GPC1: variants seen among roughly 807,000 people sequenced by gnomAD.
GPC1 encodes glypican 1.
Under a neutral mutation model 51.5 loss-of-function variants are expected in GPC1, and 26 were observed. That is an observed-to-expected ratio of 0.50 (90% CI 0.37 to 0.70). GPC1 has a LOEUF of 0.70. Among genes scored for constraint, GPC1 ranks in the 30% least tolerant of loss-of-function variants. The pLI is 0.00. For synonymous variants in GPC1, 380 were observed against 348.3 expected (o/e 1.09, Z -1.01); for missense variants, 775 against 800.5 (o/e 0.97, Z 0.38).
At chr2:240,437,222 G>A (rs1418717960) in intron 1 of GPC1, among the ~76,000 whole-genome samples, 14 of 152,144 alleles carry the variant, frequency 9.2e-5, no homozygotes, top group Non-Finnish European at 5.9e-5. Flanking sequence ...GTGCATCTGG[G>A]TGAGGGGGGT....
At chr2:240,450,927 G>A (rs185405884) in intron 1 of GPC1, 1 of 403,936 alleles carries the variant, frequency 2.5e-6, no homozygotes, top group East Asian at 7.3e-5. Flanking sequence ...GGCTTCCTGA[G>A]GGAGGTGAGG....
intron 1 of GPC1, among the ~76,000 whole-genome samples, chr2:240,438,764 C>T (rs2074000001): frequency 6.6e-6 from 1 of 152,194 alleles, no homozygotes; most frequent in African/African-American, 2.4e-5. Context: ...TATTGGGCTC[C>T]CTTTTGAGAC....
Position 240,467,223 on chromosome 2 carries a change from G to A in GPC1, c.*933G>A, listed in dbSNP as rs1233312061. The A allele has an allele frequency of 1.3e-5, 2 of 152,358 alleles. No individual in the cohort carries two copies. The highest frequency in any genetic ancestry group is 2.9e-5 in the Non-Finnish European group (2 of 68,128). 9.4% of individuals were successfully genotyped at this position (152,358 alleles called of 1,614,324 possible). ...ACGGTGACACAGGTCAGGGCTCAGA[G>A]TGACCCTCAGCTGTCACCTGCTCAC... is the stretch of plus-strand genomic sequence containing the variant. On this transcript the variant is annotated 3_prime_UTR_variant, in exon 9 of 9. Coordinates refer to ENST00000264039, the MANE Select transcript of GPC1 (RefSeq NM_002081.3).
intron 1 of GPC1, chr2:240,458,136 G>A (rs543213408): frequency 6.8e-5 from 31 of 455,440 alleles, no homozygotes; most frequent in Non-Finnish European, 1.3e-4. Context: ...CGGTTTTCTG[G>A]TTAATAAAAT....
chr2:240,443,825 C>T (rs981274242), intron 1 of GPC1, among the ~76,000 whole-genome samples: 5 of 152,300 alleles, frequency 3.3e-5, no homozygotes, highest in Non-Finnish European at 7.4e-5. Flanking sequence ...GGCTGTCTAC[C>T]GGGTGGGCTG....
chr2:240,465,049 GC>G (rs1298416570), intron 6 of GPC1, 27 bp from the exon 7 acceptor site: 5 of 1,586,702 alleles, frequency 3.2e-6, no homozygotes, highest in Non-Finnish European at 4.3e-6. Flanking sequence ...GGCCCTGGCA[GC>G]CCAGTGGCCT....
At chr2:240,443,362 G>A (rs1305383986) in intron 1 of GPC1, among the ~76,000 whole-genome samples, 1 of 152,256 alleles carries the variant, frequency 6.6e-6, no homozygotes, top group Non-Finnish European at 1.5e-5. Flanking sequence ...AGATGAGGGA[G>A]GCCTGGGGGC....
chr2:240,451,528 C>A, intron 1 of GPC1: 3 of 297,964 alleles, frequency 1.0e-5, no homozygotes, highest in South Asian at 8.1e-5. Context: ...GTGCCCTCTT[C>A]AGCTCCACCA....
Position 240,435,783 on chromosome 2 carries a change from G to A in GPC1, c.-136G>A. On this transcript the variant is annotated 5_prime_UTR_variant, in exon 1 of 9. Coordinates refer to ENST00000264039, the MANE Select transcript of GPC1 (RefSeq NM_002081.3). ...GGCTTTTGTTGTCTCCGCCTCCTCG[G>A]CCGCCGCCGCCTCTGGACCGCGAGC... 1 of 494,930 alleles carries A rather than the reference G, an allele frequency of 2.0e-6. No individual in the cohort carries two copies. The highest frequency in any genetic ancestry group is 4.5e-5 in the East Asian group (1 of 22,270). 30.7% of individuals were successfully genotyped at this position (494,930 alleles called of 1,614,324 possible). A position where few individuals can be genotyped will look rare whatever the true frequency, so the allele number is the denominator to read the frequency against.
intron 3 of GPC1, 144 bp from the exon 4 acceptor site, chr2:240,463,203 C>T: frequency 1.5e-6 from 1 of 653,142 alleles, no homozygotes; most frequent in Non-Finnish European, 2.6e-6. Flanking sequence ...GCGAGTCAGG[C>T]AGCGACCACC....
chr2:240,446,302 C>T (rs1277325176), intron 1 of GPC1, among the ~76,000 whole-genome samples: 4 of 152,256 alleles, frequency 2.6e-5, no homozygotes, highest in Non-Finnish European at 2.9e-5. Context: ...TTGGAGGCTC[C>T]GTGAGCTCCT....
Position 240,466,220 on chromosome 2 carries a change from A to G in GPC1, c.1607A>G (p.Gln536Arg), listed in dbSNP as rs376967801. 1 of 1,612,814 alleles carries G rather than the reference A, an allele frequency of 6.2e-7. No homozygotes were observed. Among genetic ancestry groups the G allele is most frequent in the Middle Eastern group, 1.7e-4 (1 of 6,060 alleles). The change falls in exon 9 of 9, where the codon CAG becomes CGG. Residue 536 changes from glutamine to arginine, a missense_variant. Physicochemically the swap from Gln to Arg is conservative, Grantham distance 43. Transcript: ENST00000264039. ...GQKTSAASCP[Q>R]PPTFLLPLLL... ...AAGACCTCGGCTGCCAGCTGCCCCC[A>G]GCCCCCGACCTTCCTCCTGCCCCTC... is the stretch of plus-strand genomic sequence containing the variant.
rs970771367 is a variant in GPC1, at chr2:240,466,591, C to T, written c.*301C>T. 80 of 395,220 alleles carry T rather than the reference C, an allele frequency of 2.0e-4. No homozygotes were observed. The highest frequency in any genetic ancestry group is 1.1e-3 in the African/African-American group (53 of 49,294). The allele number at this position is 395,220 out of a possible 1,614,324, so 24.5% of individuals were successfully genotyped here. ...CCCTCCCCCCAGCTCCCTGCACCGCCGCAGAAGCAGCCCCTCGAGGCCTAC... is the reference window on the plus strand; with the variant it reads ...CCCTCCCCCCAGCTCCCTGCACCGCTGCAGAAGCAGCCCCTCGAGGCCTAC... On this transcript the variant is annotated 3_prime_UTR_variant, in exon 9 of 9. Transcript: ENST00000264039.
At chr2:240,455,995 T>C (rs772628948) in intron 1 of GPC1, 11 of 429,438 alleles carry the variant, frequency 2.6e-5, no homozygotes, top group Middle Eastern at 4.4e-4. Context: ...TGCCGGGGGC[T>C]CCCAGGCCGG....
At chr2:240,443,081 C>T (rs2074028505) in intron 1 of GPC1, among the ~76,000 whole-genome samples, 1 of 152,262 alleles carries the variant, frequency 6.6e-6, no homozygotes, top group Admixed American at 6.5e-5. Context: ...CCGGGCCACT[C>T]AGGTGATGTT....
At position 240,464,714 on chromosome 2, in the gene GPC1, C is replaced by T. The variant is rs781499688; in HGVS notation, c.982C>T (p.Leu328Phe). Residue 328 changes from leucine (L) to phenylalanine (F), a missense_variant, in exon 5 of 9, where the codon CTC becomes TTC. Physicochemically the swap from Leu to Phe is conservative, Grantham distance 22. Transcript: ENST00000264039. ...GTGGCTGGCGGAGGCCATCAACGCCCTCCAGGACAACAGGGACACGCTCAC... is the reference window on the plus strand; with the variant it reads ...GTGGCTGGCGGAGGCCATCAACGCCTTCCAGGACAACAGGGACACGCTCAC... The part of the protein sequence containing the change: ...HTWLAEAINA[L>F]QDNRDTLTAK... 3.1e-6 allele frequency: 5 copies of T among 1,611,534 alleles called. No homozygotes were observed. The highest frequency in any genetic ancestry group is 4.2e-6 in the Non-Finnish European group (5 of 1,179,322).
chr2:240,439,852 T>C (rs2074006874), intron 1 of GPC1, among the ~76,000 whole-genome samples: 1 of 152,162 alleles, frequency 6.6e-6, no homozygotes, highest in Non-Finnish European at 1.5e-5. Flanking sequence ...CTTCCCTCCA[T>C]GAGAGGAGCT....
chr2:240,465,404 T>G (rs1210951827), intron 7 of GPC1, 69 bp from the exon 8 acceptor site: 1 of 1,479,398 alleles, frequency 6.8e-7, no homozygotes, highest in Non-Finnish European at 9.3e-7. Context: ...TGGGAGAGTG[T>G]CCTGCTCAGG....
intron 1 of GPC1, among the ~76,000 whole-genome samples, chr2:240,457,773 C>T (rs2074181223): frequency 6.6e-6 from 1 of 152,176 alleles, no homozygotes; most frequent in Admixed American, 6.5e-5. Flanking sequence ...TCACTTCCTG[C>T]TGACCCTCAG....
Sources: allele counts gnomAD v4.1 joint callset (sites outside exome capture counted in the v4.1 genomes callset), GRCh38; gene constraint gnomAD v4.1.1; transcripts MANE v1.5; gene names NCBI Gene and HGNC (gene_info 2026-07-23, HGNC 2026-07-21).